Variants in PARD3 observed in about 807,000 individuals in gnomAD.
PARD3 encodes partitioning defective 3 homolog.
Under a neutral mutation model 155.4 loss-of-function variants are expected in PARD3, and 75 were observed. The observed-to-expected ratio is 0.48, with a 90% CI of 0.40 to 0.58. The LOEUF is 0.58. Ranked by LOEUF, PARD3 falls within the 20% of genes least tolerant of loss-of-function variation. The pLI, the probability that PARD3 is intolerant of heterozygous loss-of-function variation, is 0.00. For missense variants in PARD3, 1,642 were observed against 1,721.7 expected, an observed-to-expected ratio of 0.95 and a Z score of 0.82; for synonymous variants, 576 against 610.5, an observed-to-expected ratio of 0.94 and a Z score of 0.83.
intron 22 of PARD3, among the ~76,000 whole-genome samples, chr10:34,269,299 T>C (rs147404134): frequency 2.0e-3 from 305 of 152,330 alleles, no homozygotes; most frequent in Non-Finnish European, 3.3e-3. Context: ...ATCTATTTAA[T>C]TGCCACACCT....
At chr10:34,594,468 T>C (rs1590152980) in intron 2 of PARD3, among the ~76,000 whole-genome samples, 1 of 152,260 alleles carries the variant, frequency 6.6e-6, no homozygotes, top group East Asian at 1.9e-4. Context: ...GAAGCCTGTA[T>C]AAAAAGCTTT....
intron 3 of PARD3, among the ~76,000 whole-genome samples, chr10:34,487,119 A>C (rs2079530162): frequency 1.3e-5 from 2 of 151,986 alleles, no homozygotes; most frequent in Admixed American, 1.3e-4. Flanking sequence ...GCACCCTTAC[A>C]CTCAACTGGA....
chr10:34,639,066 A>T (rs1440245842), intron 2 of PARD3, among the ~76,000 whole-genome samples: 1 of 152,212 alleles, frequency 6.6e-6, no homozygotes, highest in Non-Finnish European at 1.5e-5. Flanking sequence ...AATCTATGAA[A>T]GAAGATATGA....
chr10:34,132,716 A>C (rs1281640378), intron 22 of PARD3, among the ~76,000 whole-genome samples: 1 of 152,156 alleles, frequency 6.6e-6, no homozygotes. Context: ...TCCTCAGCAA[A>C]GGTCCCACCC....
intron 2 of PARD3, among the ~76,000 whole-genome samples, chr10:34,648,182 GCAAACC>G (rs1793572591): frequency 6.6e-6 from 1 of 152,200 alleles, no homozygotes; most frequent in African/African-American, 2.4e-5. Flanking sequence ...AACCCCAGAT[GCAAACC>G]TATAAAGCCC....
chr10:34,310,223 A>G (rs191822795), intron 20 of PARD3, among the ~76,000 whole-genome samples: 1 of 152,350 alleles, frequency 6.6e-6, no homozygotes, highest in East Asian at 1.9e-4. Context: ...TTCACAAGGA[A>G]TATTTCCAAC....
chr10:34,322,665 C>A (rs563350285), intron 19 of PARD3, among the ~76,000 whole-genome samples: 2 of 151,830 alleles, frequency 1.3e-5, no homozygotes, highest in African/African-American at 4.8e-5. Flanking sequence ...ATATACAAAA[C>A]GAAAATATCA....
At chr10:34,642,100 C>T (rs946104288) in intron 2 of PARD3, among the ~76,000 whole-genome samples, 6 of 151,850 alleles carry the variant, frequency 4.0e-5, no homozygotes, top group Non-Finnish European at 7.4e-5. Flanking sequence ...CCTGTAAGCA[C>T]GGCCCCTGTC....
intron 14 of PARD3, among the ~76,000 whole-genome samples, chr10:34,348,723 A>G (rs1017947472): frequency 1.3e-5 from 2 of 152,218 alleles, no homozygotes; most frequent in Non-Finnish European, 2.9e-5. Flanking sequence ...GTTTAAGTAC[A>G]AGATAGTAGC....
At chr10:34,370,249 G>A (rs1430497958) in intron 12 of PARD3, among the ~76,000 whole-genome samples, 1 of 152,058 alleles carries the variant, frequency 6.6e-6, no homozygotes, top group African/African-American at 2.4e-5. Flanking sequence ...AAGTATATAT[G>A]ACTTCCTTTT....
At chr10:34,576,578 G>A (rs896047057) in intron 2 of PARD3, among the ~76,000 whole-genome samples, 1 of 151,932 alleles carries the variant, frequency 6.6e-6, no homozygotes, top group Non-Finnish European at 1.5e-5. Flanking sequence ...GATAACAGCT[G>A]GTTTCCATTT....
At chr10:34,669,968 A>G (rs1156285427) in intron 2 of PARD3, among the ~76,000 whole-genome samples, 1 of 152,254 alleles carries the variant, frequency 6.6e-6, no homozygotes, top group Non-Finnish European at 1.5e-5. Flanking sequence ...TATAGTGAAA[A>G]GGTCATTCAA....
At chr10:34,229,988 A>T (rs1018548842) in intron 22 of PARD3, among the ~76,000 whole-genome samples, 9 of 152,150 alleles carry the variant, frequency 5.9e-5, no homozygotes, top group African/African-American at 2.2e-4. Context: ...TGGACAGTTT[A>T]AAAATACTGA....
At chr10:34,809,215 A>G (rs1407418179) in intron 1 of PARD3, among the ~76,000 whole-genome samples, 1 of 152,164 alleles carries the variant, frequency 6.6e-6, no homozygotes, top group Non-Finnish European at 1.5e-5. Flanking sequence ...GCAGAAGTGT[A>G]TTTTTTGTGT....
intron 22 of PARD3, among the ~76,000 whole-genome samples, chr10:34,227,920 C>T (rs1459144508): frequency 4.5e-5 from 5 of 109,950 alleles, no homozygotes; most frequent in African/African-American, 1.7e-4. Context: ...ATTTATATAC[C>T]CAAAGGAATA....
At chr10:34,547,368 A>G (rs1348071127) in intron 2 of PARD3, among the ~76,000 whole-genome samples, 2 of 152,230 alleles carry the variant, frequency 1.3e-5, no homozygotes. Flanking sequence ...CAATATAAAC[A>G]ATCTGCCAGA....
intron 22 of PARD3, among the ~76,000 whole-genome samples, chr10:34,177,861 T>C (rs527955852): frequency 6.6e-6 from 1 of 152,334 alleles, no homozygotes; most frequent in South Asian, 2.1e-4. Context: ...CTTAATCTGC[T>C]GCACGTGTGT....
intron 14 of PARD3, among the ~76,000 whole-genome samples, chr10:34,356,125 G>C (rs1388193528): frequency 6.6e-6 from 1 of 152,036 alleles, no homozygotes; most frequent in Non-Finnish European, 1.5e-5. Flanking sequence ...GCAGATTCCT[G>C]GAAGGCTAAG....
chr10:34,683,030 A>C (rs538394292), intron 2 of PARD3, among the ~76,000 whole-genome samples: 4 of 152,328 alleles, frequency 2.6e-5, no homozygotes, highest in African/African-American at 7.2e-5. Context: ...CAAAACCTTA[A>C]TGTGAATTCT....
Sources: gnomAD v4.1 joint callset for allele counts (sites outside exome capture counted in the v4.1 genomes callset) on GRCh38, gnomAD v4.1.1 for gene constraint, MANE v1.5 for transcripts, NCBI Gene and HGNC (gene_info 2026-07-23, HGNC 2026-07-21) for gene names.